Variants in ANGPT1 observed in about 807,000 individuals in gnomAD.
ANGPT1 encodes angiopoietin-1.
A neutral mutation model predicts 62.2 loss-of-function variants in ANGPT1; 17 were observed. The ratio of observed to expected loss-of-function variants is 0.27; its 90% CI spans 0.19 to 0.41. ANGPT1 has a LOEUF of 0.41. ANGPT1 is among the 10% of genes least tolerant of loss of function. The pLI, the probability that ANGPT1 is intolerant of heterozygous loss-of-function variation, is 1.00. For synonymous variants in ANGPT1, 199 were observed against 198.9 expected (o/e 1.00, Z 0.00); for missense variants, 478 against 594.9 (o/e 0.80, Z 2.04).
intron 1 of ANGPT1, among the ~76,000 whole-genome samples, chr8:107,459,169 G>A (rs548460224): frequency 1.3e-5 from 2 of 152,192 alleles, no homozygotes; most frequent in East Asian, 1.9e-4. Flanking sequence ...TATTTAAGGA[G>A]TAAACTTGTC....
At chr8:107,334,669 T>A (rs1047775088) in intron 3 of ANGPT1, among the ~76,000 whole-genome samples, 1 of 152,216 alleles carries the variant, frequency 6.6e-6, no homozygotes, top group Admixed American at 6.5e-5. Context: ...ACAAATAGCA[T>A]CTTGAAATAT....
In ANGPT1 at chr8:107,497,386, G is replaced by GTAC; in HGVS notation, c.170_172dup (p.Ser57dup). ...AGCGTTTGTGTTGTACTGGTCTGTCGTACTCTCACGACAGTTGCCATCGTG... is the reference window on the plus strand; with the variant it reads ...AGCGTTTGTGTTGTACTGGTCTGTCGTACTACTCTCACGACAGTTGCCATCGTG... On this transcript the variant is annotated inframe_insertion, in exon 1 of 9. Coordinates refer to ENST00000517746, the MANE Select transcript of ANGPT1 (RefSeq NM_001146.5). The GTAC allele has an allele frequency of 6.2e-7, 1 of 1,614,144 alleles. No homozygotes were observed. Among genetic ancestry groups the GTAC allele is most frequent in the Non-Finnish European group, 8.5e-7 (1 of 1,180,024 alleles).
At chr8:107,404,032 T>C (rs1334596660) in intron 1 of ANGPT1, among the ~76,000 whole-genome samples, 1 of 152,166 alleles carries the variant, frequency 6.6e-6, no homozygotes, top group Non-Finnish European at 1.5e-5. Flanking sequence ...ATATTGGATA[T>C]ATTGCTCTAT....
At chr8:107,254,082 T>A (rs543375405) in intron 8 of ANGPT1, among the ~76,000 whole-genome samples, 1 of 152,092 alleles carries the variant, frequency 6.6e-6, no homozygotes, top group Admixed American at 6.6e-5. Flanking sequence ...CTGTACTTAG[T>A]AGGACACCTA....
chr8:107,306,250 T>C (rs1318884172), intron 4 of ANGPT1, among the ~76,000 whole-genome samples: 1 of 152,218 alleles, frequency 6.6e-6, no homozygotes, highest in East Asian at 1.9e-4. Context: ...ATAGCAGTTA[T>C]AGTTGACTAG....
intron 7 of ANGPT1, among the ~76,000 whole-genome samples, chr8:107,282,155 G>C (rs937315017): frequency 1.3e-5 from 2 of 151,830 alleles, no homozygotes; most frequent in Non-Finnish European, 2.9e-5. Context: ...TTACTTTAAT[G>C]AATCTTTCAC....
chr8:107,281,819 G>T (rs915164162), intron 7 of ANGPT1, among the ~76,000 whole-genome samples: 1 of 152,102 alleles, frequency 6.6e-6, no homozygotes, highest in African/African-American at 2.4e-5. Context: ...TCCAAAAGAG[G>T]TTTATATGCT....
chr8:107,446,598 T>C (rs943240030), intron 1 of ANGPT1, among the ~76,000 whole-genome samples: 4 of 152,226 alleles, frequency 2.6e-5, no homozygotes, highest in African/African-American at 9.6e-5. Flanking sequence ...ACCTCTATAT[T>C]ACATTTGTAT....
chr8:107,293,237 T>C (rs75772324), intron 6 of ANGPT1, among the ~76,000 whole-genome samples: 1,883 of 144,680 alleles, frequency 0.013, 49 homozygotes, highest in African/African-American at 0.046. Context: ...ATGATGATGA[T>C]GCCTGCTGTT....
intron 1 of ANGPT1, among the ~76,000 whole-genome samples, chr8:107,486,073 G>A (rs1812806178): frequency 6.6e-6 from 1 of 152,178 alleles, no homozygotes; most frequent in South Asian, 2.1e-4. Context: ...ATTTAACCAT[G>A]GAGCTTTAGA....
intron 1 of ANGPT1, among the ~76,000 whole-genome samples, chr8:107,377,932 A>AAT (rs5893853): frequency 0.46 from 69,425 of 151,866 alleles, 16,046 homozygotes; most frequent in East Asian, 0.53. Context: ...TGAAAAAAAA[A>AAT]CATATCAGTT....
chr8:107,295,988 C>T (rs1293593315), intron 5 of ANGPT1, among the ~76,000 whole-genome samples: 1 of 152,100 alleles, frequency 6.6e-6, no homozygotes, highest in Admixed American at 6.6e-5. Flanking sequence ...AGTTCAGTAA[C>T]TTACCAGTGA....
At chr8:107,308,170 T>C (rs115226573) in intron 4 of ANGPT1, among the ~76,000 whole-genome samples, 438 of 152,280 alleles carry the variant, frequency 2.9e-3, no homozygotes, top group African/African-American at 0.01. Flanking sequence ...AGCCCAAGCC[T>C]GCCTGTCATG....
At chr8:107,347,188 G>A (rs1224650034) in intron 1 of ANGPT1, 91 bp from the exon 2 acceptor site, 13 of 1,332,496 alleles carry the variant, frequency 9.8e-6, no homozygotes, top group Admixed American at 4.0e-5. Context: ...ACAAGACACC[G>A]CTGGCAAATC....
chr8:107,406,885 C>CAAA (rs10628191), intron 1 of ANGPT1, among the ~76,000 whole-genome samples: 43 of 141,828 alleles, frequency 3.0e-4, no homozygotes, highest in East Asian at 1.8e-3. Context: ...ATTAAATCCT[C>CAAA]AAAAAAAAAA....
At chr8:107,457,972 C>T (rs1811967177) in intron 1 of ANGPT1, among the ~76,000 whole-genome samples, 2 of 151,616 alleles carry the variant, frequency 1.3e-5, no homozygotes, top group Admixed American at 6.6e-5. Context: ...CCTATAAAAG[C>T]TATTCTTTAA....
chr8:107,361,759 T>G (rs1816171212), intron 1 of ANGPT1, among the ~76,000 whole-genome samples: 1 of 151,828 alleles, frequency 6.6e-6, no homozygotes. Flanking sequence ...GAATGGTAGT[T>G]TAAATGTCAG....
At chr8:107,468,088 T>A (rs1812253054) in intron 1 of ANGPT1, among the ~76,000 whole-genome samples, 1 of 152,086 alleles carries the variant, frequency 6.6e-6, no homozygotes, top group Non-Finnish European at 1.5e-5. Flanking sequence ...CAGAAGATAA[T>A]TTCCTAGAAT....
At chr8:107,380,737 A>G (rs369389083) in intron 1 of ANGPT1, among the ~76,000 whole-genome samples, 1 of 152,158 alleles carries the variant, frequency 6.6e-6, no homozygotes, top group Admixed American at 6.6e-5. Flanking sequence ...TTTCTACTGC[A>G]TATCATCCCC....
Sources: allele counts gnomAD v4.1 joint callset (sites outside exome capture counted in the v4.1 genomes callset), GRCh38; gene constraint gnomAD v4.1.1; transcripts MANE v1.5; gene names NCBI Gene and HGNC (gene_info 2026-07-23, HGNC 2026-07-21).